The following CD99L2 variants were observed in gnomAD, a reference collection of about 807,000 sequenced individuals.
CD99L2 encodes the protein CD99 antigen-like protein 2.
In CD99L2, 24 loss-of-function variants were observed where a neutral mutation model predicts 27.3. The ratio of observed to expected loss-of-function variants is 0.88; its 90% CI spans 0.64 to 1.24. The LOEUF (loss-of-function observed/expected upper bound fraction) is 1.24. Among genes scored for constraint, CD99L2 ranks in the 50% most tolerant of loss-of-function variants. The pLI, the probability that CD99L2 is intolerant of heterozygous loss-of-function variation, is 0.00. For missense variants in CD99L2, 255 were observed against 221.6 expected (o/e 1.15, Z -0.96); for synonymous variants, 97 against 87.9 (o/e 1.10, Z -0.58).
At chrX:150,876,225 C>T (rs2047226633) in intron 1 of CD99L2, among the ~76,000 whole-genome samples, 2 of 112,221 alleles carry the variant, frequency 1.8e-5, no homozygotes, top group South Asian at 7.4e-4. Flanking sequence ...ACTTAGATCA[C>T]ACACTTTTGC....
intron 1 of CD99L2, among the ~76,000 whole-genome samples, chrX:150,844,617 T>C (rs2046672375): frequency 8.9e-6 from 1 of 112,560 alleles, no homozygotes; most frequent in Admixed American, 9.4e-5. Flanking sequence ...TAATATCCTC[T>C]GGACTTGCTA....
intron 4 of CD99L2, among the ~76,000 whole-genome samples, chrX:150,800,635 G>A (rs1306834490): frequency 9.0e-6 from 1 of 111,076 alleles, no homozygotes; most frequent in Admixed American, 9.6e-5. Flanking sequence ...CAGAACCAAT[G>A]CCCAGCAAAT....
At position 150,831,231 on chromosome X, in the gene CD99L2, G is replaced by A. The variant is rs1008485876; in HGVS notation, c.130C>T (p.Gln44Ter). The A allele has an allele frequency of 3.3e-6, 4 of 1,194,641 alleles. No homozygotes were observed. Among genetic ancestry groups the A allele is most frequent in the Middle Eastern group, 2.5e-4 (1 of 4,056 alleles). ...ATAGTTTATTTGATTTACTACTCAC[G>A]CTTTACTGAGGAAGTTTCTTTCACT... is the stretch of plus-strand genomic sequence containing the variant. ...DAVKETSSVK[Q>*]PWDHTTTTTT... Residue 44 changes from glutamine (Q) to a stop codon, truncating the protein, a stop_gained and splice_region_variant, in exon 2 of 11, where the codon CAG becomes TAG. Coordinates refer to ENST00000370377, the MANE Select transcript of CD99L2 (RefSeq NM_031462.4). LOFTEE classifies it high-confidence loss of function.
intron 7 of CD99L2, among the ~76,000 whole-genome samples, chrX:150,785,640 G>A (rs1203298236): frequency 9.0e-6 from 1 of 111,320 alleles, no homozygotes; most frequent in Non-Finnish European, 1.9e-5. Flanking sequence ...GTGACACCCA[G>A]TTGATCTTAT....
At chrX:150,826,505 A>G in intron 2 of CD99L2, among the ~76,000 whole-genome samples, 1 of 111,808 alleles carries the variant, frequency 8.9e-6, no homozygotes, top group East Asian at 2.8e-4. Context: ...CCACATATTG[A>G]ATGATTCCAT....
At chrX:150,851,272 A>G (rs1056416756) in intron 1 of CD99L2, among the ~76,000 whole-genome samples, 6 of 111,987 alleles carry the variant, frequency 5.4e-5, no homozygotes, top group African/African-American at 1.9e-4. Flanking sequence ...CCCATTCTGT[A>G]GAAGGAAGGG....
chrX:150,878,491 T>A (rs1398244455), intron 1 of CD99L2, among the ~76,000 whole-genome samples: 1 of 86,134 alleles, frequency 1.2e-5, no homozygotes, highest in African/African-American at 4.5e-5. Flanking sequence ...CAGAACTAAA[T>A]ATAGAGAGAC....
intron 1 of CD99L2, among the ~76,000 whole-genome samples, chrX:150,888,006 G>C (rs2047441067): frequency 9.0e-6 from 1 of 111,112 alleles, no homozygotes; most frequent in African/African-American, 3.3e-5. Flanking sequence ...TGTGAGATTT[G>C]TGCGGCAGTT....
intron 1 of CD99L2, among the ~76,000 whole-genome samples, chrX:150,837,287 T>G (rs2046547047): frequency 9.0e-6 from 1 of 110,616 alleles, no homozygotes; most frequent in African/African-American, 3.3e-5. Context: ...TTTGTTCTTG[T>G]CAGCCAGGCT....
At chrX:150,817,053 G>T (rs1284877445) in intron 2 of CD99L2, among the ~76,000 whole-genome samples, 18 of 62,388 alleles carry the variant, frequency 2.9e-4, no homozygotes, top group African/African-American at 9.9e-4. Flanking sequence ...GTTGTGGGGT[G>T]GGGGGAGGGG....
At chrX:150,784,118 T>C (rs142940734) in intron 7 of CD99L2, among the ~76,000 whole-genome samples, 6,058 of 110,557 alleles carry the variant, frequency 0.055, 199 homozygotes, top group African/African-American at 0.11. Flanking sequence ...CTTCTGGGGA[T>C]AGGGAGAAAG....
At chrX:150,857,198 T>A (rs918400090) in intron 1 of CD99L2, among the ~76,000 whole-genome samples, 11 of 111,651 alleles carry the variant, frequency 9.9e-5, no homozygotes, top group African/African-American at 3.6e-4. Flanking sequence ...GAAAAACTAA[T>A]AAAATAATAG....
intron 1 of CD99L2, among the ~76,000 whole-genome samples, chrX:150,868,443 G>A (rs970253459): frequency 1.3e-4 from 14 of 111,871 alleles, no homozygotes; most frequent in African/African-American, 2.3e-4. Context: ...CAGAAGAATC[G>A]CTTAGCCTGG....
At chrX:150,783,846 T>C (rs1195912505) in intron 7 of CD99L2, among the ~76,000 whole-genome samples, 2 of 111,692 alleles carry the variant, frequency 1.8e-5, no homozygotes, top group African/African-American at 6.5e-5. Flanking sequence ...GTAGTGCTCC[T>C]CTCCTTCTGG....
intron 1 of CD99L2, among the ~76,000 whole-genome samples, chrX:150,857,939 TAAG>T (rs1557421805): frequency 5.4e-5 from 6 of 111,942 alleles, no homozygotes; most frequent in African/African-American, 1.9e-4. Flanking sequence ...GTGCTGCCTA[TAAG>T]AAGTGCACTT....
intron 6 of CD99L2, 24 bp from the exon 7 acceptor site, chrX:150,793,780 TCAA>T (rs782153598): frequency 4.0e-5 from 45 of 1,133,047 alleles, no homozygotes; most frequent in South Asian, 1.0e-4. Context: ...AACATACATT[TCAA>T]CAACAAGAAA....
chrX:150,787,888 GTATATATATATA>G (rs527795783), intron 7 of CD99L2, among the ~76,000 whole-genome samples: 2,366 of 63,824 alleles, frequency 0.037, 136 homozygotes, highest in African/African-American at 0.11. Context: ...AGAACTTAAA[GTATATATATATA>G]TATATATATA....
chrX:150,846,441 GC>G (rs1220480441), intron 1 of CD99L2, among the ~76,000 whole-genome samples: 6 of 110,905 alleles, frequency 5.4e-5, no homozygotes, highest in African/African-American at 2.0e-4. Flanking sequence ...ACTTAACAGC[GC>G]TATACCTCAG....
At chrX:150,891,537 T>C (rs1449980882) in intron 1 of CD99L2, among the ~76,000 whole-genome samples, 3 of 111,849 alleles carry the variant, frequency 2.7e-5, no homozygotes, top group African/African-American at 6.5e-5. Context: ...ACCTGGATAA[T>C]CCAGGATAAT....
Sources: allele counts gnomAD v4.1 joint callset (sites outside exome capture counted in the v4.1 genomes callset), GRCh38; gene constraint gnomAD v4.1.1; transcripts MANE v1.5; gene names NCBI Gene and HGNC (gene_info 2026-07-23, HGNC 2026-07-21).